Variants in CHMP3 observed in about 807,000 individuals in gnomAD.
CHMP3 encodes the protein 25.1 protein.
Under a neutral mutation model 27.4 loss-of-function variants are expected in CHMP3, and 8 were observed. That is an observed-to-expected ratio of 0.29 (90% confidence interval 0.17 to 0.53). CHMP3 has a LOEUF of 0.53. CHMP3 is among the 20% of genes least tolerant of loss of function. CHMP3 has a pLI of 0.96. For synonymous variants in CHMP3, 86 were observed against 85.5 expected (o/e 1.01, Z -0.03); for missense variants, 208 against 271.5 (o/e 0.77, Z 1.64).
At chr2:86,551,068 A>C (rs539780118) in intron 1 of CHMP3, among the ~76,000 whole-genome samples, 1 of 152,320 alleles carries the variant, frequency 6.6e-6, no homozygotes, top group South Asian at 2.1e-4. Context: ...TCCAAAGAGG[A>C]ATTACATTTG....
chr2:86,545,815 A>C (rs1469292120), intron 1 of CHMP3, among the ~76,000 whole-genome samples: 1 of 108,380 alleles, frequency 9.2e-6, no homozygotes, highest in African/African-American at 3.6e-5. Context: ...TGGGGTGGCC[A>C]GGCAGAGGCG....
chr2:86,528,536 T>C (rs1431520913), intron 3 of CHMP3, among the ~76,000 whole-genome samples: 1 of 152,146 alleles, frequency 6.6e-6, no homozygotes, highest in African/African-American at 2.4e-5. Flanking sequence ...TCAATCTAAA[T>C]ATCTGACAGT....
chr2:86,546,341 G>A (rs937891720), intron 1 of CHMP3, among the ~76,000 whole-genome samples: 75 of 134,334 alleles, frequency 5.6e-4, no homozygotes, highest in East Asian at 1.9e-3. Flanking sequence ...GTCCAGCCTC[G>A]GCAACAGAGG....
chr2:86,539,950 G>A (rs937005396), intron 2 of CHMP3, among the ~76,000 whole-genome samples: 1 of 151,892 alleles, frequency 6.6e-6, no homozygotes, highest in Non-Finnish European at 1.5e-5. Context: ...CTTCACCTAT[G>A]AATGTTATTT....
rs1348010971 is a variant in CHMP3 at position 86,504,472 on chromosome 2, A to G, written c.*1332T>C. The G allele has an allele frequency of 6.6e-6, 1 of 150,676 alleles. No individual in the cohort carries two copies. Among genetic ancestry groups the G allele is most frequent in the Non-Finnish European group, 1.5e-5 (1 of 67,746 alleles). The allele number at this position is 150,676 out of a possible 1,614,324, so 9.3% of individuals were successfully genotyped here. The stretch of plus-strand genomic sequence containing the variant: ...CTCTGAAGATGAAATCAAGAGTAAT[A>G]GGAGGGTCCTCTGGACTCAAAAATG... On this transcript the variant is annotated 3_prime_UTR_variant, in exon 6 of 6. Transcript: ENST00000263856.
chr2:86,517,032 A>C (rs576487535), intron 3 of CHMP3, among the ~76,000 whole-genome samples: 36 of 152,220 alleles, frequency 2.4e-4, no homozygotes, highest in Non-Finnish European at 2.8e-4. Flanking sequence ...TGAAGGGTAC[A>C]CAGAATCTCT....
chr2:86,531,103 G>C (rs1040422835), intron 2 of CHMP3, among the ~76,000 whole-genome samples: 1 of 152,080 alleles, frequency 6.6e-6, no homozygotes, highest in African/African-American at 2.4e-5. Flanking sequence ...ATTTGCAAAT[G>C]CTTTCTCCCA....
intron 1 of CHMP3, among the ~76,000 whole-genome samples, chr2:86,555,046 C>T (rs1354437858): frequency 6.6e-6 from 1 of 151,996 alleles, no homozygotes; most frequent in Non-Finnish European, 1.5e-5. Flanking sequence ...CGGGGTTTCA[C>T]TATGTTGGCC....
chr2:86,526,994 G>A (rs1206001677), intron 3 of CHMP3: 1 of 152,160 alleles, frequency 6.6e-6, no homozygotes, highest in East Asian at 1.9e-4. Flanking sequence ...TTTCTCTGGA[G>A]AGGTTGGGAG....
chr2:86,548,486 A>G (rs1338264306), intron 1 of CHMP3, among the ~76,000 whole-genome samples: 1 of 152,180 alleles, frequency 6.6e-6, no homozygotes, highest in East Asian at 1.9e-4. Flanking sequence ...CACATGTTTC[A>G]GAGAGCACGG....
intron 1 of CHMP3, among the ~76,000 whole-genome samples, chr2:86,545,909 T>A (rs967713148): frequency 6.7e-5 from 10 of 150,264 alleles, no homozygotes; most frequent in Admixed American, 2.0e-4. Context: ...GCTCCTCACA[T>A]CCCAGAGGAT....
chr2:86,563,116 G>A (rs1176942082), intron 1 of CHMP3, 188 bp downstream of exon 1: 4 of 604,056 alleles, frequency 6.6e-6, no homozygotes, highest in Non-Finnish European at 1.2e-5. Flanking sequence ...ATGGCACCAG[G>A]AGCTCTCGCG....
chr2:86,507,394 A>G, intron 5 of CHMP3, 85 bp downstream of exon 5: 1 of 1,215,056 alleles, frequency 8.2e-7, no homozygotes, highest in Non-Finnish European at 1.2e-6. Flanking sequence ...GTTAATGCCT[A>G]AAGAAAAAGC....
chr2:86,548,107 G>C (rs1212814598), intron 1 of CHMP3, among the ~76,000 whole-genome samples: 2 of 151,426 alleles, frequency 1.3e-5, no homozygotes, highest in Non-Finnish European at 2.9e-5. Flanking sequence ...CATATGGAAT[G>C]CAAAACTGTG....
intron 1 of CHMP3, among the ~76,000 whole-genome samples, chr2:86,559,847 G>C (rs1677277445): frequency 1.3e-5 from 2 of 152,158 alleles, no homozygotes; most frequent in Admixed American, 6.5e-5. Context: ...AGGTCAAACT[G>C]TTTCTGATCA....
intron 1 of CHMP3, chr2:86,562,897 A>C (rs1449214136): frequency 1.2e-5 from 2 of 168,296 alleles, no homozygotes; most frequent in Non-Finnish European, 2.5e-5. Context: ...GGCCCGCTCC[A>C]AACAACGCTT....
intron 1 of CHMP3, among the ~76,000 whole-genome samples, chr2:86,549,314 ATTT>A (rs1676769756): frequency 1.1e-5 from 1 of 88,606 alleles, no homozygotes; most frequent in Non-Finnish European, 2.1e-5. Flanking sequence ...GGGCAGAGGC[ATTT>A]CTCACTTCCC....
intron 2 of CHMP3, among the ~76,000 whole-genome samples, chr2:86,533,657 A>G (rs1220455028): frequency 6.6e-6 from 1 of 152,018 alleles, no homozygotes; most frequent in Non-Finnish European, 1.5e-5. Flanking sequence ...CCCACAGACC[A>G]CAGCACCTAG....
At chr2:86,516,107 C>G (rs1182661652) in intron 3 of CHMP3, among the ~76,000 whole-genome samples, 1 of 141,132 alleles carries the variant, frequency 7.1e-6, no homozygotes, top group African/African-American at 2.6e-5. Context: ...GAGATCGCAC[C>G]ACTGCACTCC....
Sources: gnomAD v4.1 joint callset for allele counts (sites outside exome capture counted in the v4.1 genomes callset) on GRCh38, gnomAD v4.1.1 for gene constraint, MANE v1.5 for transcripts, NCBI Gene and HGNC (gene_info 2026-07-23, HGNC 2026-07-21) for gene names.